Variants in MPDZ observed in about 807,000 individuals in gnomAD.
MPDZ encodes multiple PDZ domain crumbs cell polarity complex component, also known as multiple PDZ domain protein.
In MPDZ, 234 loss-of-function variants were observed where a neutral mutation model predicts 239.1. The ratio of observed to expected loss-of-function variants is 0.98; its 90% CI spans 0.88 to 1.09. The LOEUF (loss-of-function observed/expected upper bound fraction) is 1.09. MPDZ is among the 50% of genes least tolerant of loss of function. MPDZ has a pLI of 0.00. For synonymous variants in MPDZ, 1,048 were observed against 881.3 expected, an observed-to-expected ratio of 1.19 and a Z score of -3.35; for missense variants, 3,175 against 2,510.0, an observed-to-expected ratio of 1.26 and a Z score of -5.66.
chr9:13,231,705 A>AT (rs1380764992), intron 3 of MPDZ, among the ~76,000 whole-genome samples: 5 of 30,816 alleles, frequency 1.6e-4, no homozygotes, highest in Non-Finnish European at 7.8e-5. Context: ...ATTAACATCA[A>AT]TTTTTTGTGA....
intron 16 of MPDZ, among the ~76,000 whole-genome samples, chr9:13,189,556 A>G (rs1954616576): frequency 6.6e-6 from 1 of 152,116 alleles, no homozygotes; most frequent in Non-Finnish European, 1.5e-5. Flanking sequence ...GGAGTCATCC[A>G]AGGTGGCTTT....
intron 24 of MPDZ, 48 bp downstream of exon 24, chr9:13,157,970 A>G (rs1563924810): frequency 1.3e-6 from 2 of 1,508,206 alleles, no homozygotes; most frequent in East Asian, 4.6e-5. Flanking sequence ...GCTTATCTTT[A>G]AACACTATAT....
Position 13,121,722 on chromosome 9 carries a change from GTCC to G in MPDZ, c.5231+14_5231+16del. The G allele has an allele frequency of 6.2e-7, 1 of 1,613,474 alleles. No homozygotes were observed. Among genetic ancestry groups the G allele is most frequent in the African/African-American group, 1.3e-5 (1 of 75,026 alleles). On this transcript the variant is annotated intron_variant, in intron 38 of 46. Transcript: ENST00000319217. ...TCATTTCCAAGGGAGCATTGGGTTT[GTCC>G]TCCTCAATCACACCTTTTACCAACA...
chr9:13,154,366 T>C lies in MPDZ; in HGVS notation c.3452+3652A>G, dbSNP rs75837384. ...AGGCAGCCTATTTGAGTTTTATACA[T>C]AGGTTTAAAAAGAATGAAATTCAGG... On this transcript the variant is annotated intron_variant, in intron 24 of 46. Coordinates refer to ENST00000319217, the MANE Select transcript of MPDZ (RefSeq NM_001378778.1). Among the ~76,000 whole-genome samples, 1,076 of 152,186 alleles carry C rather than the reference T, an allele frequency of 7.1e-3. 17 individuals carry two copies. The highest frequency in any genetic ancestry group is 0.025 in the African/African-American group (1,038 of 41,534).
intron 1 of MPDZ, among the ~76,000 whole-genome samples, chr9:13,272,508 G>A (rs1204620647): frequency 6.6e-6 from 1 of 151,984 alleles, no homozygotes. Flanking sequence ...GGAAAGGGTT[G>A]GAAGGGTCAG....
At chr9:13,276,027 C>T (rs750476717) in intron 1 of MPDZ, among the ~76,000 whole-genome samples, 2 of 152,162 alleles carry the variant, frequency 1.3e-5, no homozygotes, top group Non-Finnish European at 2.9e-5. Context: ...CCCTATACTT[C>T]ACTACTTTCC....
chr9:13,260,443 A>G (rs1970429723), intron 1 of MPDZ, among the ~76,000 whole-genome samples: 1 of 152,182 alleles, frequency 6.6e-6, no homozygotes, highest in Admixed American at 6.5e-5. Flanking sequence ...TACAAGGAAC[A>G]TGTCAGTGTT....
At position 13,128,441 on chromosome 9, in the gene MPDZ, C is replaced by A. The variant is rs142083357; in HGVS notation, c.4465-1669G>T. On this transcript the variant is annotated intron_variant, in intron 32 of 46. Coordinates refer to ENST00000319217, the MANE Select transcript of MPDZ (RefSeq NM_001378778.1). The stretch of plus-strand genomic sequence containing the variant: ...AAATCATCTTGGAAGCAATGTCCAG[C>A]CCAGTCAAATCTTGAGATGACTGTA... 1.1e-3 allele frequency among the ~76,000 whole-genome samples: 167 copies of A among 152,340 alleles called. 1 individual carries two copies. Among genetic ancestry groups the A allele is most frequent in the African/African-American group, 3.8e-3 (158 of 41,584 alleles).
At chr9:13,246,386 G>A (rs924591436) in intron 3 of MPDZ, among the ~76,000 whole-genome samples, 2 of 152,168 alleles carry the variant, frequency 1.3e-5, no homozygotes, top group African/African-American at 2.4e-5. Context: ...AGGCTGCAGT[G>A]AGCAGAGATG....
chr9:13,153,387 T>G (rs371017016), intron 24 of MPDZ, among the ~76,000 whole-genome samples: 16 of 152,170 alleles, frequency 1.1e-4, no homozygotes, highest in African/African-American at 3.9e-4. Context: ...TTTCTCTTAC[T>G]CCAGAAATTC....
intron 10 of MPDZ, 145 bp from the exon 11 acceptor site, chr9:13,206,244 C>T: frequency 1.4e-6 from 1 of 726,886 alleles, no homozygotes. Flanking sequence ...GACAGTAAGA[C>T]CCTAATATCT....
intron 10 of MPDZ, among the ~76,000 whole-genome samples, chr9:13,209,470 T>C (rs906389774): frequency 1.3e-5 from 2 of 152,160 alleles, no homozygotes; most frequent in Non-Finnish European, 2.9e-5. Context: ...ACTTTGTCAA[T>C]TCTTAAAACA....
intron 31 of MPDZ, 136 bp from the exon 32 acceptor site, chr9:13,134,040 CTA>C (rs1349317221): frequency 1.2e-5 from 4 of 323,034 alleles, no homozygotes; most frequent in Non-Finnish European, 2.2e-5. Context: ...TTTTAATACA[CTA>C]TTGCTATTTT....
At chr9:13,269,568 C>T (rs1972514560) in intron 1 of MPDZ, among the ~76,000 whole-genome samples, 1 of 152,130 alleles carries the variant, frequency 6.6e-6, no homozygotes, top group South Asian at 2.1e-4. Context: ...CAGCTCCATA[C>T]TAAACCAAAA....
chr9:13,223,583 C>G lies in MPDZ; in HGVS notation c.521G>C (p.Ser174Thr), dbSNP rs764717312. The change falls in exon 5 of 47, where the codon AGT (serine) becomes ACT (threonine). Residue 174 changes from serine (S) to threonine (T), a missense_variant. Transcript: ENST00000319217. ...GIFVQEIQEGSVAHRDGRLKE... is the reference protein window; with the variant it reads ...GIFVQEIQEGTVAHRDGRLKE... ...GCGACCATCTCACCTATGGGCCACACTGCCCTCTTGTATCTCTTGAACAAA... is the reference window on the plus strand; with the variant it reads ...GCGACCATCTCACCTATGGGCCACAGTGCCCTCTTGTATCTCTTGAACAAA... 1.5e-5 allele frequency: 24 copies of G among 1,611,342 alleles called. 1 individual carries two copies. The South Asian group carries it at 2.5e-4, about 17-fold the overall frequency.
intron 21 of MPDZ, among the ~76,000 whole-genome samples, chr9:13,171,704 C>A (rs899959005): frequency 6.6e-6 from 1 of 152,020 alleles, no homozygotes; most frequent in African/African-American, 2.4e-5. Flanking sequence ...CTAAATTTAA[C>A]AAAATTCAAA....
At chr9:13,158,180 C>T (rs1950052773) in intron 23 of MPDZ, 70 bp from the exon 24 acceptor site, 3 of 1,183,066 alleles carry the variant, frequency 2.5e-6, no homozygotes, top group Non-Finnish European at 3.7e-6. Context: ...ATGTACTCTA[C>T]TATTGATTTA....
chr9:13,201,459 T>C, intron 12 of MPDZ, among the ~76,000 whole-genome samples: 1 of 152,046 alleles, frequency 6.6e-6, no homozygotes, highest in East Asian at 1.9e-4. Context: ...TGGTGTTGTC[T>C]TTCTCCAGAT....
Position 13,193,232 on chromosome 9 carries a change from A to G in MPDZ, c.1738T>C (p.Ser580Pro). 6.2e-7 allele frequency: 1 copy of G among 1,612,432 alleles called. No homozygotes were observed. The highest frequency in any genetic ancestry group is 1.3e-5 in the African/African-American group (1 of 74,988). ...EATVGHHFIR[S>P]VLPEGPVGHS... Reference sequence around the variant, plus strand: ...CCAACAGGACCCTCTGGTAGAACAGATCGGATAAAATGATGTCCCACTGTC... The same window carrying G: ...CCAACAGGACCCTCTGGTAGAACAGGTCGGATAAAATGATGTCCCACTGTC... The change falls in exon 14 of 47, where the codon TCT becomes CCT. Residue 580 changes from serine to proline, a missense_variant. Coordinates refer to ENST00000319217, the MANE Select transcript of MPDZ (RefSeq NM_001378778.1).
Sources: gnomAD v4.1 joint callset for allele counts (sites outside exome capture counted in the v4.1 genomes callset) on GRCh38, gnomAD v4.1.1 for gene constraint, MANE v1.5 for transcripts, NCBI Gene and HGNC (gene_info 2026-07-23, HGNC 2026-07-21) for gene names.